The following BLNK variants were observed in gnomAD, a reference collection of about 807,000 sequenced individuals.
The protein encoded by BLNK is B cell linker.
In BLNK, 29 loss-of-function variants were observed where a neutral mutation model predicts 73.5. The ratio of observed to expected loss-of-function variants is 0.39; its 90% CI spans 0.29 to 0.54. The LOEUF is 0.54. BLNK is among the 20% of genes least tolerant of loss of function. The probability of loss-of-function intolerance (pLI) is 0.61; values close to 1 mark genes in which losing one functional copy is unlikely to be tolerated. For synonymous variants in BLNK, 176 were observed against 200.8 expected (o/e 0.88, Z 1.04); for missense variants, 460 against 562.8 (o/e 0.82, Z 1.85).
At chr10:96,230,650 G>A (rs1210824056) in intron 4 of BLNK, 144 bp downstream of exon 4, 2 of 886,874 alleles carry the variant, frequency 2.3e-6, no homozygotes, top group Non-Finnish European at 3.6e-6. Flanking sequence ...CTGGTATGCA[G>A]TATGCCTTGC....
chr10:96,238,462 T>C (rs2134067869), intron 3 of BLNK, among the ~76,000 whole-genome samples: 1 of 152,242 alleles, frequency 6.6e-6, no homozygotes, highest in Non-Finnish European at 1.5e-5. Context: ...ACAGGGCACG[T>C]GATTGGCCTC....
chr10:96,227,214 C>T (rs1554902693), intron 5 of BLNK, among the ~76,000 whole-genome samples, 196 bp downstream of exon 5: 1 of 152,194 alleles, frequency 6.6e-6, no homozygotes, highest in Non-Finnish European at 1.5e-5. Flanking sequence ...ACGCCTCTTC[C>T]CCTGGAATGG....
intron 3 of BLNK, among the ~76,000 whole-genome samples, chr10:96,232,729 G>A (rs1308681872): frequency 2.6e-5 from 4 of 152,162 alleles, no homozygotes; most frequent in African/African-American, 7.2e-5. Context: ...GGTTGGCCAA[G>A]AAACTCTAGA....
At chr10:96,214,433 G>T (rs2084017321) in intron 8 of BLNK, among the ~76,000 whole-genome samples, 1 of 152,190 alleles carries the variant, frequency 6.6e-6, no homozygotes, top group Non-Finnish European at 1.5e-5. Context: ...CTCAGTCCTT[G>T]TCGCTGAGGA....
At chr10:96,232,765 C>T (rs1842550712) in intron 3 of BLNK, among the ~76,000 whole-genome samples, 2 of 151,798 alleles carry the variant, frequency 1.3e-5, no homozygotes, top group African/African-American at 2.4e-5. Flanking sequence ...ATCCTCTTCC[C>T]AATATGATTA....
chr10:96,266,052 G>A (rs782712097), intron 1 of BLNK, among the ~76,000 whole-genome samples: 14 of 152,254 alleles, frequency 9.2e-5, no homozygotes, highest in Non-Finnish European at 1.6e-4. Context: ...CAAAGAAAGC[G>A]AAGTGTTTTA....
At chr10:96,198,785 G>A (rs1423333923) in intron 15 of BLNK, among the ~76,000 whole-genome samples, 1 of 152,274 alleles carries the variant, frequency 6.6e-6, no homozygotes, top group South Asian at 2.1e-4. Context: ...TGCAACTTCC[G>A]CCTCCTAGGC....
intron 1 of BLNK, among the ~76,000 whole-genome samples, chr10:96,261,530 A>G (rs74153608): frequency 0.028 from 4,278 of 152,298 alleles, 205 homozygotes; most frequent in African/African-American, 0.096. Flanking sequence ...AGCATCGGGT[A>G]TATTAAGCCC....
intron 9 of BLNK, among the ~76,000 whole-genome samples, chr10:96,209,520 G>A (rs1259050046): frequency 6.6e-6 from 1 of 152,140 alleles, no homozygotes; most frequent in Non-Finnish European, 1.5e-5. Context: ...AGCCTCCCAA[G>A]TAGCTGGGAT....
At chr10:96,232,796 T>C (rs587733053) in intron 3 of BLNK, among the ~76,000 whole-genome samples, 1 of 148,854 alleles carries the variant, frequency 6.7e-6, no homozygotes, top group Admixed American at 6.9e-5. Context: ...TGGGGGAGTA[T>C]GTTTCTTTTT....
At chr10:96,230,112 T>G (rs1554903653) in intron 4 of BLNK, among the ~76,000 whole-genome samples, 2 of 152,122 alleles carry the variant, frequency 1.3e-5, no homozygotes, top group African/African-American at 4.8e-5. Flanking sequence ...GAATAATTAT[T>G]GTGAAGAAAA....
In BLNK at chr10:96,224,389, G is replaced by A. The variant is rs150748827; in HGVS notation, c.362-400C>T. On this transcript the variant is annotated intron_variant, in intron 5 of 16. Transcript: ENST00000224337. Reference sequence around the variant, plus strand: ...CAGCCTGGCAACGTTTGAACTCCTCGGGAGGAGCCTGGCATTACAGGTTGG... The same window carrying A: ...CAGCCTGGCAACGTTTGAACTCCTCAGGAGGAGCCTGGCATTACAGGTTGG... Among the ~76,000 whole-genome samples the A allele has an allele frequency of 3.1e-4, 47 of 152,330 alleles. 1 individual carries two copies. Among genetic ancestry groups the A allele is most frequent in the South Asian group, 2.9e-3 (14 of 4,824 alleles).
At chr10:96,245,016 A>C (rs1260586918) in intron 2 of BLNK, among the ~76,000 whole-genome samples, 8 of 152,162 alleles carry the variant, frequency 5.3e-5, no homozygotes, top group Admixed American at 5.2e-4. Flanking sequence ...TGTCTCATAA[A>C]GAATGAGATT....
At chr10:96,212,752 T>C (rs1438523598) in intron 8 of BLNK, among the ~76,000 whole-genome samples, 1 of 152,248 alleles carries the variant, frequency 6.6e-6, no homozygotes, top group African/African-American at 2.4e-5. Flanking sequence ...ACTTTTGTGA[T>C]GCCCACTGGG....
chr10:96,189,919 C>T lies in BLNK; in HGVS notation c.*2054G>A, dbSNP rs587725754. 1.6e-5 allele frequency: 16 copies of T among 996,166 alleles called. No homozygotes were observed. The African/African-American group carries it at 1.9e-4, about 12-fold the overall frequency. 61.7% of individuals were successfully genotyped at this position (996,166 alleles called of 1,614,324 possible). A position where few individuals can be genotyped will look rare whatever the true frequency, so the allele number is the denominator to read the frequency against. ...GCACTGGCCCTGAACCACACTTCAA[C>T]CATAAAAGCACTGGTGGTGTTATTT... On this transcript the variant is annotated 3_prime_UTR_variant, in exon 17 of 17. Transcript: ENST00000224337.
At chr10:96,207,526 C>A (rs2083847301) in intron 10 of BLNK, among the ~76,000 whole-genome samples, 1 of 152,230 alleles carries the variant, frequency 6.6e-6, no homozygotes, top group African/African-American at 2.4e-5. Flanking sequence ...TTAGTGAGGC[C>A]TATGTGTGCC....
intron 9 of BLNK, among the ~76,000 whole-genome samples, chr10:96,208,245 C>A (rs2083868080): frequency 6.6e-6 from 1 of 152,028 alleles, no homozygotes; most frequent in Non-Finnish European, 1.5e-5. Context: ...CAATTGAGGA[C>A]CAGGATCAGT....
chr10:96,223,688 G>A (rs2084253215), intron 6 of BLNK, 138 bp downstream of exon 6: 15 of 1,025,796 alleles, frequency 1.5e-5, no homozygotes, highest in Admixed American at 6.3e-5. Flanking sequence ...AAGTCCCTTT[G>A]GTATAATAGT....
chr10:96,252,702 A>G (rs1843334721), intron 1 of BLNK, among the ~76,000 whole-genome samples: 2 of 152,270 alleles, frequency 1.3e-5, no homozygotes, highest in African/African-American at 2.4e-5. Context: ...ACAGTTTGCA[A>G]AACTGTAGAA....
Sources: allele counts gnomAD v4.1 joint callset (sites outside exome capture counted in the v4.1 genomes callset), GRCh38; gene constraint gnomAD v4.1.1; transcripts MANE v1.5; gene names NCBI Gene and HGNC (gene_info 2026-07-23, HGNC 2026-07-21).